The following TLR7 variants were observed in gnomAD, a reference collection of about 807,000 sequenced individuals.
TLR7 encodes toll-like receptor 7.
In TLR7, 12 loss-of-function variants were observed where a neutral mutation model predicts 38.3. That is an observed-to-expected ratio of 0.31 (90% CI 0.20 to 0.51). The LOEUF (loss-of-function observed/expected upper bound fraction) is 0.51. Ranked by LOEUF, TLR7 falls within the 20% of genes least tolerant of loss-of-function variation. The probability of loss-of-function intolerance (pLI) is 0.98; values close to 1 mark genes in which losing one functional copy is unlikely to be tolerated. For missense variants in TLR7, 504 were observed against 743.4 expected (o/e 0.68, Z 3.74); for synonymous variants, 285 against 293.8 (o/e 0.97, Z 0.31).
intron 2 of TLR7, among the ~76,000 whole-genome samples, chrX:12,872,555 C>CACGG (rs546422768): frequency 9.1e-6 from 1 of 109,316 alleles, no homozygotes; most frequent in African/African-American, 3.4e-5. Context: ...GAGGGAGAAA[C>CACGG]AGGGAGAGAG....
rs201092927 is a variant in TLR7, at chrX:12,886,180, A to G, written c.672A>G (p.Pro224=). The G allele has an allele frequency of 5.9e-5, 71 of 1,210,037 alleles. No homozygotes were observed. Among genetic ancestry groups the G allele is most frequent in the Non-Finnish European group, 7.5e-5 (67 of 894,894 alleles). Residue 224 remains proline, a synonymous_variant, in exon 3 of 3, where the codon CCA becomes CCG. Coordinates refer to ENST00000380659, the MANE Select transcript of TLR7 (RefSeq NM_016562.4). The part of the protein sequence containing the change: ...NNVTAVPTVL[P]STLTELYLYN... ...TCACAGCCGTCCCTACTGTTTTGCCATCTACTTTAACAGAACTATATCTCT... is the reference window on the plus strand; with the variant it reads ...TCACAGCCGTCCCTACTGTTTTGCCGTCTACTTTAACAGAACTATATCTCT...
chrX:12,869,952 G>A (rs1185348954), intron 2 of TLR7, among the ~76,000 whole-genome samples: 1 of 108,392 alleles, frequency 9.2e-6, no homozygotes, highest in East Asian at 2.9e-4. Context: ...AATACTGAAT[G>A]ACCTAAGAAA....
intron 2 of TLR7, among the ~76,000 whole-genome samples, chrX:12,880,164 T>C (rs897523552): frequency 1.8e-5 from 2 of 111,803 alleles, no homozygotes; most frequent in Admixed American, 9.5e-5. Context: ...ATCCAACACG[T>C]ATCTGTCAAC....
At position 12,886,385 on chromosome X, in the gene TLR7, A is replaced by G. The variant is rs1176289185; in HGVS notation, c.877A>G (p.Lys293Glu). The change falls in exon 3 of 3, where the codon AAA becomes GAA. Residue 293 changes from lysine (K) to glutamate (E), a missense_variant. By Grantham distance (56) the Lys-to-Glu change is moderately conservative. Transcript: ENST00000380659. ...VNAFDALTEL[K>E]VLRLHSNSLQ... Reference sequence around the variant, plus strand: ...TGCTTTTGATGCGCTGACAGAATTAAAAGTTTTACGTCTACACAGTAACTC... The same window carrying G: ...TGCTTTTGATGCGCTGACAGAATTAGAAGTTTTACGTCTACACAGTAACTC... The G allele has an allele frequency of 1.7e-6, 2 of 1,210,401 alleles. No individual in the cohort carries two copies. The highest frequency in any genetic ancestry group is 3.5e-5 in the African/African-American group (2 of 57,292).
chrX:12,874,286 C>T (rs113198197), intron 2 of TLR7, among the ~76,000 whole-genome samples: 2 of 111,363 alleles, frequency 1.8e-5, no homozygotes, highest in African/African-American at 3.3e-5. Flanking sequence ...GGCCAGTGTA[C>T]TCCAGCCTGG....
intron 2 of TLR7, among the ~76,000 whole-genome samples, chrX:12,880,901 C>T (rs1482184138): frequency 9.0e-6 from 1 of 110,881 alleles, no homozygotes; most frequent in Non-Finnish European, 1.9e-5. Context: ...CTCTCTGTGC[C>T]TCAGTTGACT....
chrX:12,883,862 A>G (rs1380350514), intron 2 of TLR7, among the ~76,000 whole-genome samples: 1 of 111,639 alleles, frequency 9.0e-6, no homozygotes, highest in East Asian at 2.8e-4. Context: ...AGAAGAGACA[A>G]TTTTGTACCT....
intron 2 of TLR7, among the ~76,000 whole-genome samples, chrX:12,881,152 G>C (rs5743765): frequency 0.072 from 7,867 of 108,872 alleles, 202 homozygotes; most frequent in South Asian, 0.11. Context: ...GCTTGAACCC[G>C]GGAGGTGGAG....
At chrX:12,881,096 G>A (rs184653073) in intron 2 of TLR7, among the ~76,000 whole-genome samples, 3 of 109,593 alleles carry the variant, frequency 2.7e-5, no homozygotes, top group East Asian at 5.7e-4. Context: ...GCCTGGTGGT[G>A]CATACCTGTA....
chrX:12,888,216 C>G lies in TLR7; in HGVS notation c.2708C>G (p.Ala903Gly). 2 of 1,211,403 alleles carry G rather than the reference C, an allele frequency of 1.7e-6. No individual in the cohort carries two copies. Among genetic ancestry groups the G allele is most frequent in the Non-Finnish European group, 2.2e-6 (2 of 895,214 alleles). The change falls in exon 3 of 3, where the codon GCT (alanine) becomes GGT (glycine). Residue 903 changes from alanine (A) to glycine (G), a missense_variant. By Grantham distance (60) the Ala-to-Gly change is moderately conservative (BLOSUM62 0). Transcript: ENST00000380659. ...AFIVYDTKDPAVTEWVLAELV... is the reference protein window; with the variant it reads ...AFIVYDTKDPGVTEWVLAELV... ...ATTGTGTATGACACTAAAGACCCAG[C>G]TGTGACCGAGTGGGTTTTGGCTGAG...
chrX:12,871,398 C>T (rs1268993773), intron 2 of TLR7, among the ~76,000 whole-genome samples: 1 of 112,098 alleles, frequency 8.9e-6, no homozygotes, highest in Non-Finnish European at 1.9e-5. Context: ...AGTTACCAAA[C>T]AATTCAGTGT....
intron 2 of TLR7, among the ~76,000 whole-genome samples, chrX:12,881,680 C>A (rs2042893136): frequency 9.2e-6 from 1 of 108,879 alleles, no homozygotes; most frequent in Admixed American, 9.9e-5. Context: ...GAATGCTGCC[C>A]CAGGCCTCAA....
chrX:12,878,948 G>A (rs1375688611), intron 2 of TLR7, among the ~76,000 whole-genome samples: 1 of 112,132 alleles, frequency 8.9e-6, no homozygotes, highest in East Asian at 2.8e-4. Flanking sequence ...GTAAACTACA[G>A]TAGAAGTTGG....
In TLR7 at chrX:12,889,890, G is replaced by C. The variant is rs2042925328; in HGVS notation, c.*1232G>C. The C allele has an allele frequency of 8.9e-6, 1 of 112,796 alleles. No individual in the cohort carries two copies. The highest frequency in any genetic ancestry group is 3.2e-5 in the African/African-American group (1 of 31,045). The allele number at this position is 112,796 out of a possible 1,213,427, so 9.3% of individuals were successfully genotyped here. On this transcript the variant is annotated 3_prime_UTR_variant, in exon 3 of 3. Transcript: ENST00000380659. Reference sequence around the variant, plus strand: ...TGTATTTATTTATAGTTTTATCAGAGATGACAATTATTTGAATGCCAATTA... The same window carrying C: ...TGTATTTATTTATAGTTTTATCAGACATGACAATTATTTGAATGCCAATTA...
intron 2 of TLR7, among the ~76,000 whole-genome samples, chrX:12,872,945 A>G (rs770714082): frequency 3.6e-5 from 4 of 110,461 alleles, no homozygotes; most frequent in Non-Finnish European, 5.7e-5. Context: ...AAAATTTGCA[A>G]TGCATCTGCA....
In TLR7 at chrX:12,885,928, A is replaced by G; in HGVS notation, c.420A>G (p.Leu140=). ...KSLYLDGNQL[L]EIPQGLPPSL... ...TTTACCTGGATGGAAACCAGCTACT[A>G]GAGATACCGCAGGGCCTCCCGCCTA... Residue 140 remains leucine, a synonymous_variant, in exon 3 of 3, where the codon CTA becomes CTG. Transcript: ENST00000380659. 8.3e-7 allele frequency: 1 copy of G among 1,212,016 alleles called. No individual in the cohort carries two copies. Among genetic ancestry groups the G allele is most frequent in the Non-Finnish European group, 1.1e-6 (1 of 895,460 alleles).
chrX:12,888,444 T>C lies in TLR7; in HGVS notation c.2936T>C (p.Met979Thr). Reference protein sequence around the residue: ...IAFYLSHQRLMDEKVDVIILI... With the variant: ...IAFYLSHQRLTDEKVDVIILI... ...TTTTACTTGTCCCATCAGAGGCTCA[T>C]GGATGAAAAAGTTGATGTGATTATC... The change falls in exon 3 of 3, where the codon ATG becomes ACG. Residue 979 changes from methionine (M) to threonine (T), a missense_variant. By Grantham distance (81) the Met-to-Thr change is moderately conservative. Coordinates refer to ENST00000380659, the MANE Select transcript of TLR7 (RefSeq NM_016562.4). 1 of 1,211,500 alleles carries C rather than the reference T, an allele frequency of 8.3e-7. No homozygotes were observed. Among genetic ancestry groups the C allele is most frequent in the Non-Finnish European group, 1.1e-6 (1 of 895,289 alleles).
intron 2 of TLR7, among the ~76,000 whole-genome samples, chrX:12,885,212 T>C (rs2042905659): frequency 8.9e-6 from 1 of 112,528 alleles, no homozygotes. Context: ...AGTGAATCTA[T>C]GGCTCTGCAA....
intron 2 of TLR7, among the ~76,000 whole-genome samples, chrX:12,885,059 A>G (rs1240813847): frequency 1.8e-5 from 2 of 112,649 alleles, no homozygotes; most frequent in African/African-American, 6.5e-5. Flanking sequence ...TCTGAGACTC[A>G]AATACTATGA....
Sources: gnomAD v4.1 joint callset for allele counts (sites outside exome capture counted in the v4.1 genomes callset) on GRCh38, gnomAD v4.1.1 for gene constraint, MANE v1.5 for transcripts, NCBI Gene and HGNC (gene_info 2026-07-23, HGNC 2026-07-21) for gene names.